The following PCDH11X variants were observed in gnomAD, a reference collection of about 807,000 sequenced individuals.
PCDH11X encodes protocadherin 11 X-linked.
Under a neutral mutation model 53.3 loss-of-function variants are expected in PCDH11X, and 18 were observed. That is an observed-to-expected ratio of 0.34 (90% CI 0.23 to 0.50). The LOEUF (loss-of-function observed/expected upper bound fraction) is 0.50, where lower values mean the gene tolerates loss of function less well. Among genes scored for constraint, PCDH11X ranks in the 20% least tolerant of loss-of-function variants. The pLI is 0.98. For synonymous variants in PCDH11X, 279 were observed against 393.3 expected, an observed-to-expected ratio of 0.71 and a Z score of 3.44; for missense variants, 570 against 1,032.4, an observed-to-expected ratio of 0.55 and a Z score of 6.14.
intron 7 of PCDH11X, among the ~76,000 whole-genome samples, chrX:92,215,703 G>T (rs1190291254): frequency 9.7e-6 from 1 of 103,276 alleles, no homozygotes; most frequent in Non-Finnish European, 2.0e-5. Flanking sequence ...GAGAGCAGTG[G>T]TTCTCCCAGC....
chrX:91,865,004 G>T (rs1297910761), intron 5 of PCDH11X, among the ~76,000 whole-genome samples: 2 of 111,148 alleles, frequency 1.8e-5, no homozygotes, highest in African/African-American at 6.5e-5. Flanking sequence ...TGTTTATCTA[G>T]GCTTTGTCCT....
At chrX:92,115,720 G>A (rs35573377) in intron 6 of PCDH11X, among the ~76,000 whole-genome samples, 1 of 110,934 alleles carries the variant, frequency 9.0e-6, no homozygotes, top group Admixed American at 9.6e-5. Context: ...TCTGATGTTC[G>A]AGGACAGGGA....
intron 6 of PCDH11X, among the ~76,000 whole-genome samples, chrX:91,932,279 A>G (rs2061395257): frequency 9.1e-6 from 1 of 110,261 alleles, no homozygotes; most frequent in African/African-American, 3.3e-5. Flanking sequence ...TTATGTGTAT[A>G]TGTTATTTCA....
At chrX:92,118,731 C>CTTTTTTT (rs199880924) in intron 6 of PCDH11X, among the ~76,000 whole-genome samples, 6 of 45,635 alleles carry the variant, frequency 1.3e-4, no homozygotes, top group East Asian at 5.4e-4. Context: ...ATAATGCAGT[C>CTTTTTTT]TTTTTTTTTT....
intron 7 of PCDH11X, among the ~76,000 whole-genome samples, chrX:92,219,131 T>G (rs192469064): frequency 0.052 from 5,808 of 110,716 alleles, 253 homozygotes; most frequent in East Asian, 0.18. Context: ...CTTTGAAAAC[T>G]GGCACAAGAC....
chrX:92,408,950 TTAAC>T (rs771649108), intron 9 of PCDH11X, among the ~76,000 whole-genome samples: 2 of 104,343 alleles, frequency 1.9e-5, no homozygotes, highest in Admixed American at 1.0e-4. Context: ...CTGCTTAACA[TTAAC>T]ATATTTTTAA....
At chrX:92,253,042 G>GAA (rs200550368) in intron 7 of PCDH11X, among the ~76,000 whole-genome samples, 2 of 105,898 alleles carry the variant, frequency 1.9e-5, no homozygotes, top group Non-Finnish European at 2.0e-5. Context: ...GGTAAGAAAA[G>GAA]AAAAAAAAAA....
intron 8 of PCDH11X, among the ~76,000 whole-genome samples, chrX:92,309,244 C>A (rs1255258751): frequency 1.8e-5 from 2 of 112,014 alleles, no homozygotes; most frequent in African/African-American, 6.5e-5. Flanking sequence ...ATATATGTGT[C>A]TATTGATGGA....
chrX:91,907,408 C>CAGAGAGAGAGAGAG (rs1361235635), intron 6 of PCDH11X, among the ~76,000 whole-genome samples: 1 of 66,072 alleles, frequency 1.5e-5, no homozygotes, highest in African/African-American at 6.4e-5. Context: ...CACACACACA[C>CAGAGAGAGAGAGAG]ACACAGAGAG....
intron 6 of PCDH11X, among the ~76,000 whole-genome samples, chrX:92,177,595 T>C (rs906487882): frequency 9.0e-6 from 1 of 111,663 alleles, no homozygotes; most frequent in Non-Finnish European, 1.9e-5. Flanking sequence ...GGGGCCGGCC[T>C]GTATAAATTT....
At chrX:92,353,519 GT>G (rs1326437232) in intron 8 of PCDH11X, among the ~76,000 whole-genome samples, 11 of 110,336 alleles carry the variant, frequency 1.0e-4, no homozygotes, top group Non-Finnish European at 1.9e-4. Flanking sequence ...TTTTGTGTAG[GT>G]TCACAAATAA....
intron 6 of PCDH11X, among the ~76,000 whole-genome samples, chrX:92,151,303 C>T (rs2065429708): frequency 9.0e-6 from 1 of 110,562 alleles, no homozygotes; most frequent in African/African-American, 3.3e-5. Flanking sequence ...AGCCATTCTC[C>T]TGCCTCAGCC....
At chrX:92,050,110 T>C (rs2063348192) in intron 6 of PCDH11X, among the ~76,000 whole-genome samples, 1 of 111,238 alleles carries the variant, frequency 9.0e-6, no homozygotes, top group African/African-American at 3.3e-5. Flanking sequence ...TAACAAAATA[T>C]TTGGCTTAAA....
chrX:92,129,009 T>G (rs2064923242), intron 6 of PCDH11X, among the ~76,000 whole-genome samples: 1 of 110,327 alleles, frequency 9.1e-6, no homozygotes, highest in African/African-American at 3.4e-5. Context: ...TAAGAATTCT[T>G]ATTTTTATTC....
chrX:92,275,934 G>T (rs927246040), intron 8 of PCDH11X, among the ~76,000 whole-genome samples: 1 of 110,378 alleles, frequency 9.1e-6, no homozygotes, highest in East Asian at 2.8e-4. Context: ...AATACAAGAG[G>T]AGGATGCAAA....
chrX:92,584,789 C>CT (rs1171667582), intron 10 of PCDH11X, among the ~76,000 whole-genome samples: 8,598 of 64,952 alleles, frequency 0.13, 1,000 homozygotes, highest in African/African-American at 0.31. Flanking sequence ...TCTTTTTTTC[C>CT]TTTTTTTTTT....
At chrX:92,564,543 G>C (rs937494584) in intron 10 of PCDH11X, among the ~76,000 whole-genome samples, 5 of 107,732 alleles carry the variant, frequency 4.6e-5, no homozygotes, top group Admixed American at 2.0e-4. Flanking sequence ...AAAAAATTGT[G>C]CTAGGAAAAC....
At chrX:91,950,059 T>C (rs1361364767) in intron 6 of PCDH11X, among the ~76,000 whole-genome samples, 1 of 111,103 alleles carries the variant, frequency 9.0e-6, no homozygotes, top group African/African-American at 3.3e-5. Flanking sequence ...TAAATTCTTG[T>C]AGAATGTATT....
rs770505573 is a variant in PCDH11X at position 92,266,281 on chromosome X, C to G, written c.3144+3138C>G. Among the ~76,000 whole-genome samples, 228 of 111,716 alleles carry G rather than the reference C, an allele frequency of 2.0e-3. 1 individual carries two copies. The highest frequency in any genetic ancestry group is 7.1e-3 in the African/African-American group (219 of 30,788). On this transcript the variant is annotated intron_variant, in intron 8 of 10. Transcript: ENST00000682573. Reference sequence around the variant, plus strand: ...TCTTTTTATGAATTATAAAATATGGCTTTTATGTTCAGTTTAATTCAGAGT... The same window carrying G: ...TCTTTTTATGAATTATAAAATATGGGTTTTATGTTCAGTTTAATTCAGAGT...
Sources: allele counts gnomAD v4.1 joint callset (sites outside exome capture counted in the v4.1 genomes callset), GRCh38; gene constraint gnomAD v4.1.1; transcripts MANE v1.5; gene names NCBI Gene and HGNC (gene_info 2026-07-23, HGNC 2026-07-21).